The following NELL2 variants were observed in gnomAD, a reference collection of about 807,000 sequenced individuals.
NELL2 encodes the protein neural EGFL like 2, also known as protein kinase C-binding protein NELL2.
Under a neutral mutation model 109.6 loss-of-function variants are expected in NELL2, and 41 were observed. The observed-to-expected ratio is 0.37, with a 90% confidence interval of 0.29 to 0.49. The LOEUF is 0.49. Ranked by LOEUF, NELL2 falls within the 20% of genes least tolerant of loss-of-function variation. The probability of loss-of-function intolerance (pLI) is 0.98; values close to 1 mark genes in which losing one functional copy is unlikely to be tolerated. For synonymous variants in NELL2, 355 were observed against 344.7 expected, an observed-to-expected ratio of 1.03 and a Z score of -0.33; for missense variants, 900 against 1,008.3, an observed-to-expected ratio of 0.89 and a Z score of 1.45.
intron 12 of NELL2, among the ~76,000 whole-genome samples, chr12:44,702,183 A>G (rs1193505970): frequency 2.0e-5 from 3 of 152,118 alleles, no homozygotes; most frequent in African/African-American, 7.2e-5. Context: ...TCTCTAACAC[A>G]TCATCCTGTT....
chr12:44,596,953 T>C (rs1465657117), intron 15 of NELL2, among the ~76,000 whole-genome samples: 1 of 152,154 alleles, frequency 6.6e-6, no homozygotes, highest in Non-Finnish European at 1.5e-5. Flanking sequence ...CAGCTACTGT[T>C]CCAAACAACT....
intron 11 of NELL2, among the ~76,000 whole-genome samples, chr12:44,709,496 C>A (rs1158149594): frequency 2.0e-5 from 3 of 152,166 alleles, no homozygotes; most frequent in African/African-American, 7.2e-5. Flanking sequence ...CATTGAATGA[C>A]CCCAGTTAAC....
chr12:44,587,078 C>T (rs1944536607), intron 15 of NELL2, among the ~76,000 whole-genome samples: 1 of 151,578 alleles, frequency 6.6e-6, no homozygotes, highest in Non-Finnish European at 1.5e-5. Context: ...TGAGACCATC[C>T]TGGCTAACAT....
intron 13 of NELL2, among the ~76,000 whole-genome samples, chr12:44,646,445 A>G (rs1947099475): frequency 6.6e-6 from 1 of 152,228 alleles, no homozygotes; most frequent in South Asian, 2.1e-4. Flanking sequence ...CAAACCCTAT[A>G]TCTGCTATGT....
intron 2 of NELL2, among the ~76,000 whole-genome samples, chr12:44,833,824 C>G (rs1030369938): frequency 6.6e-6 from 1 of 152,176 alleles, no homozygotes; most frequent in Non-Finnish European, 1.5e-5. Flanking sequence ...ACAGTCCATA[C>G]TAATTACCAG....
intron 13 of NELL2, among the ~76,000 whole-genome samples, chr12:44,620,774 T>C (rs745503413): frequency 6.6e-6 from 1 of 152,118 alleles, no homozygotes; most frequent in Non-Finnish European, 1.5e-5. Flanking sequence ...TCTATCCCCA[T>C]TGCTCTGCAG....
At chr12:44,719,746 T>C (rs1377560132) in intron 9 of NELL2, among the ~76,000 whole-genome samples, 1 of 152,126 alleles carries the variant, frequency 6.6e-6, no homozygotes, top group Non-Finnish European at 1.5e-5. Flanking sequence ...GTTTGAAATT[T>C]TGATTCCCTT....
chr12:44,773,619 C>T (rs1941636589), intron 9 of NELL2, among the ~76,000 whole-genome samples: 1 of 152,154 alleles, frequency 6.6e-6, no homozygotes, highest in South Asian at 2.1e-4. Context: ...CCACAAGCCT[C>T]CTTTTATTAA....
At chr12:44,643,198 C>T (rs934542949) in intron 13 of NELL2, among the ~76,000 whole-genome samples, 5 of 152,056 alleles carry the variant, frequency 3.3e-5, no homozygotes, top group Admixed American at 6.6e-5. Flanking sequence ...GGGAGGATTA[C>T]AAAAGTCCTA....
chr12:44,877,654 C>A (rs1445663114), upstream of NELL2, among the ~76,000 whole-genome samples: 1 of 152,074 alleles, frequency 6.6e-6, no homozygotes, highest in Non-Finnish European at 1.5e-5. Flanking sequence ...TAGTGGAATA[C>A]ATATACTATA....
chr12:44,578,729 T>C (rs1372256755), intron 15 of NELL2, among the ~76,000 whole-genome samples: 1 of 151,988 alleles, frequency 6.6e-6, no homozygotes, highest in Non-Finnish European at 1.5e-5. Flanking sequence ...AAAGAAAAAT[T>C]TGGAGAGTTT....
intron 9 of NELL2, among the ~76,000 whole-genome samples, chr12:44,730,132 C>T (rs1450644640): frequency 6.6e-6 from 1 of 152,062 alleles, no homozygotes; most frequent in Non-Finnish European, 1.5e-5. Context: ...AGCACCTATG[C>T]ATACAAAGCA....
chr12:44,744,476 C>G (rs141376702), intron 9 of NELL2, among the ~76,000 whole-genome samples: 5,491 of 152,112 alleles, frequency 0.036, 142 homozygotes, highest in Admixed American at 0.075. Context: ...GAAATAGAGA[C>G]ACAAAAAACC....
At chr12:44,581,723 A>C (rs1403240394) in intron 15 of NELL2, among the ~76,000 whole-genome samples, 1 of 152,184 alleles carries the variant, frequency 6.6e-6, no homozygotes, top group African/African-American at 2.4e-5. Context: ...TTTCCCCTTG[A>C]GGGATTACAG....
intron 3 of NELL2, among the ~76,000 whole-genome samples, chr12:44,790,830 T>C: frequency 6.6e-6 from 1 of 151,410 alleles, no homozygotes; most frequent in Middle Eastern, 3.2e-3. Context: ...AGGCATTTCA[T>C]GCAAATGGAC....
chr12:44,700,410 C>T (rs1253353907), intron 12 of NELL2, among the ~76,000 whole-genome samples: 2 of 152,146 alleles, frequency 1.3e-5, no homozygotes, highest in African/African-American at 4.8e-5. Flanking sequence ...TAACATGAAA[C>T]TCTTAATCTT....
intron 1 of NELL2, among the ~76,000 whole-genome samples, chr12:44,900,760 G>A (rs1190929674): frequency 1.3e-5 from 2 of 152,086 alleles, no homozygotes; most frequent in African/African-American, 4.8e-5. Flanking sequence ...GGAGGCTGAG[G>A]GAGGTGGATC....
intron 12 of NELL2, among the ~76,000 whole-genome samples, chr12:44,684,231 G>T (rs185519282): frequency 2.6e-5 from 4 of 152,118 alleles, no homozygotes; most frequent in Admixed American, 1.3e-4. Flanking sequence ...ATTCTCTGAT[G>T]GTAGTTTGTA....
intron 6 of NELL2, 41 bp downstream of exon 6, chr12:44,777,201 A>G (rs1425644385): frequency 6.2e-7 from 1 of 1,607,250 alleles, no homozygotes; most frequent in Admixed American, 1.7e-5. Flanking sequence ...GCTGACAAGT[A>G]ATATATGGGG....
Sources: gnomAD v4.1 joint callset for allele counts (sites outside exome capture counted in the v4.1 genomes callset) on GRCh38, gnomAD v4.1.1 for gene constraint, MANE v1.5 for transcripts, NCBI Gene and HGNC (gene_info 2026-07-23, HGNC 2026-07-21) for gene names.